SH2B2: variants seen among roughly 807,000 people sequenced by gnomAD.
The protein encoded by SH2B2 is SH2B adaptor protein 2, also known as SH2B adapter protein 2.
Under a neutral mutation model 35.7 loss-of-function variants are expected in SH2B2, and 37 were observed. The ratio of observed to expected loss-of-function variants is 1.04; its 90% CI spans 0.80 to 1.36. SH2B2 has a LOEUF of 1.36. SH2B2 is among the 40% of genes most tolerant of loss of function. The pLI is 0.00. For synonymous variants in SH2B2, 383 were observed against 376.4 expected (o/e 1.02, Z -0.20); for missense variants, 852 against 817.7 (o/e 1.04, Z -0.51).
At position 102,321,552 on chromosome 7, in the gene SH2B2, C is replaced by T; in HGVS notation, c.1821C>T (p.Ala607=). 1.1e-5 allele frequency: 13 copies of T among 1,147,080 alleles called. No individual in the cohort carries two copies. Among genetic ancestry groups the T allele is most frequent in the Non-Finnish European group, 1.4e-5 (13 of 935,006 alleles). 71.1% of individuals were successfully genotyped at this position (1,147,080 alleles called of 1,614,324 possible). The stretch of plus-strand genomic sequence containing the variant: ...CCGAGCGCCTGCTGGAGGCCGTGGC[C>T]GCCACCGCCGCCGAGGAGCCCCCGG... The part of the protein sequence containing the change: ...NSAERLLEAV[A]ATAAEEPPEA... The change falls in exon 9 of 9, where the codon GCC becomes GCT. Residue 607 remains alanine (A), a synonymous_variant. Transcript: ENST00000444095.
intron 4 of SH2B2, among the ~76,000 whole-genome samples, chr7:102,310,698 G>C (rs1302945619): frequency 6.6e-6 from 1 of 152,200 alleles, no homozygotes; most frequent in Non-Finnish European, 1.5e-5. Context: ...AAGGTCCTGG[G>C]CGCCTCCCAG....
intron 4 of SH2B2, among the ~76,000 whole-genome samples, chr7:102,313,266 A>G (rs2133021070): frequency 6.7e-6 from 1 of 149,638 alleles, no homozygotes; most frequent in South Asian, 2.1e-4. Context: ...GTGAAACCCC[A>G]TCTCTGCAAA....
At chr7:102,305,879 C>CCTTTTTTTTTTTT (rs1554554723) in intron 2 of SH2B2, among the ~76,000 whole-genome samples, 5 of 143,518 alleles carry the variant, frequency 3.5e-5, no homozygotes, top group Non-Finnish European at 7.5e-5. Flanking sequence ...AGGAGGAGGT[C>CCTTTTTTTTTTTT]CTTTTTTTTT....
At position 102,300,687 on chromosome 7, in the gene SH2B2, T is replaced by C; in HGVS notation, c.137T>C (p.Leu46Pro). 2 of 1,546,634 alleles carry C rather than the reference T, an allele frequency of 1.3e-6. No homozygotes were observed. The highest frequency in any genetic ancestry group is 1.7e-6 in the Non-Finnish European group (2 of 1,143,624). Residue 46 changes from leucine to proline, a missense_variant, in exon 2 of 9, where the codon CTG (leucine) becomes CCG (proline). Physicochemically the swap from Leu to Pro is moderately conservative, Grantham distance 98. Transcript: ENST00000444095. ...VDFAHKFCRFLRDNPAYDTPD... is the reference protein window; with the variant it reads ...VDFAHKFCRFPRDNPAYDTPD... ...TTTGCGCACAAGTTCTGCCGTTTCC[T>C]GCGGGACAACCCAGCTTACGACACG... is the stretch of plus-strand genomic sequence containing the variant.
chr7:102,311,229 G>A (rs950679692), intron 4 of SH2B2, among the ~76,000 whole-genome samples: 6 of 151,132 alleles, frequency 4.0e-5, no homozygotes, highest in African/African-American at 1.5e-4. Flanking sequence ...AACTGGGACT[G>A]TAGGCACATG....
chr7:102,309,165 A>C, intron 4 of SH2B2: 1 of 596,486 alleles, frequency 1.7e-6, no homozygotes, highest in Non-Finnish European at 3.1e-6. Flanking sequence ...TCTTGTCTTC[A>C]CCCCAAGAGA....
At position 102,301,561 on chromosome 7, in the gene SH2B2, T is replaced by C. The variant is rs1225843667; in HGVS notation, c.729+282T>C. The stretch of plus-strand genomic sequence containing the variant: ...TCGTGTGTGTGTGTGTGTGTGTCCG[T>C]GTGTGTGTGTGTGTGTGTGTGCGCG... On this transcript the variant is annotated intron_variant, in intron 2 of 8. Coordinates refer to ENST00000444095, the MANE Select transcript of SH2B2 (RefSeq NM_001359228.2). 2.3e-5 allele frequency among the ~76,000 whole-genome samples: 3 copies of C among 128,586 alleles called. No individual in the cohort carries two copies. In the East Asian group the frequency reaches 6.0e-4, roughly 26 times the overall value. 84.4% of individuals were successfully genotyped at this position (128,586 alleles called of 152,430 possible).
At chr7:102,317,425 C>A in intron 7 of SH2B2, 30 bp downstream of exon 7, 1 of 1,526,846 alleles carries the variant, frequency 6.5e-7, no homozygotes, top group Non-Finnish European at 8.9e-7. Flanking sequence ...CATGGGGGTG[C>A]AGTGGCCAGC....
intron 1 of SH2B2, among the ~76,000 whole-genome samples, chr7:102,288,145 G>A (rs1483872614): frequency 2.6e-5 from 4 of 152,132 alleles, no homozygotes; most frequent in African/African-American, 2.4e-5. Context: ...GGGGCAGGGG[G>A]TGTGGTTTCC....
intron 4 of SH2B2, chr7:102,309,353 C>CTT: frequency 1.8e-5 from 5 of 272,150 alleles, no homozygotes; most frequent in East Asian, 1.1e-4. Context: ...CTCTCTCTCT[C>CTT]TCTTTTTTTT....
chr7:102,311,809 G>A (rs1334724406), intron 4 of SH2B2, among the ~76,000 whole-genome samples: 1 of 152,142 alleles, frequency 6.6e-6, no homozygotes, highest in Non-Finnish European at 1.5e-5. Flanking sequence ...GGGCGTGGTG[G>A]TGCACGCCTG....
chr7:102,294,803 G>A (rs1554552315), intron 1 of SH2B2, among the ~76,000 whole-genome samples: 2 of 152,186 alleles, frequency 1.3e-5, no homozygotes, highest in East Asian at 1.9e-4. Flanking sequence ...TGGCACTGCT[G>A]TTTGGAGACT....
In SH2B2 at chr7:102,306,828, GTC is replaced by G; in HGVS notation, c.831+9_831+10del. ...ATAACACATTCGTCCTCAAGGTGAG[GTC>G]TCACCCCTAACCTCAGAGATCCTCC... On this transcript the variant is annotated splice_region_variant and intron_variant, in intron 3 of 8. Coordinates refer to ENST00000444095, the MANE Select transcript of SH2B2 (RefSeq NM_001359228.2). 6.4e-7 allele frequency: 1 copy of G among 1,567,680 alleles called. No individual in the cohort carries two copies. Among genetic ancestry groups the G allele is most frequent in the Non-Finnish European group, 8.7e-7 (1 of 1,155,112 alleles).
chr7:102,292,253 G>A (rs746146873), intron 1 of SH2B2, among the ~76,000 whole-genome samples: 14 of 151,968 alleles, frequency 9.2e-5, no homozygotes, highest in Admixed American at 2.6e-4. Context: ...ACCTGGGACC[G>A]GGTGCACTGG....
intron 1 of SH2B2, among the ~76,000 whole-genome samples, chr7:102,296,884 C>T (rs1554552569): frequency 6.6e-6 from 1 of 152,002 alleles, no homozygotes; most frequent in African/African-American, 2.4e-5. Context: ...AAGGCTGAGG[C>T]GGGAGGATCG....
chr7:102,290,123 G>A (rs1167800726), intron 1 of SH2B2, among the ~76,000 whole-genome samples: 2 of 114,018 alleles, frequency 1.8e-5, no homozygotes, highest in Admixed American at 1.3e-4. Flanking sequence ...ATCCTCTAAA[G>A]GTGGTCATTT....
intron 1 of SH2B2, 100 bp from the exon 2 acceptor site, chr7:102,300,422 C>CCA: frequency 7.4e-7 from 1 of 1,351,184 alleles, no homozygotes; most frequent in Non-Finnish European, 9.8e-7. Flanking sequence ...ACACACACAC[C>CCA]CACACAGCCC....
At position 102,297,394 on chromosome 7, in the gene SH2B2, T is replaced by TACACACACAC. The variant is rs3988122; in HGVS notation, c.-29-3101_-29-3092dup. 1.2e-4 allele frequency among the ~76,000 whole-genome samples: 17 copies of TACACACACAC among 144,458 alleles called. No individual in the cohort carries two copies. The highest frequency in any genetic ancestry group is 4.5e-4 in the South Asian group (2 of 4,488). 94.8% of individuals were successfully genotyped at this position (144,458 alleles called of 152,430 possible). On this transcript the variant is annotated intron_variant, in intron 1 of 8. Coordinates refer to ENST00000444095, the MANE Select transcript of SH2B2 (RefSeq NM_001359228.2). The surrounding 1 kb of genome is among the most constrained non-coding windows in gnomAD (Gnocchi z 4.3). ...CATCAATAGAGTGAGATCCCATCTC[T>TACACACACAC]ACACACACACACACACACACACACA...
intron 6 of SH2B2, among the ~76,000 whole-genome samples, chr7:102,315,453 C>T (rs574803004): frequency 1.2e-4 from 18 of 152,074 alleles, no homozygotes; most frequent in Admixed American, 5.2e-4. Flanking sequence ...CTCAGCCTCC[C>T]GAGTAGCTGA....
Sources: gnomAD v4.1 joint callset for allele counts (sites outside exome capture counted in the v4.1 genomes callset) on GRCh38, gnomAD v4.1.1 for gene constraint, Gnocchi (gnomAD v3.1) non-coding constraint, MANE v1.5 for transcripts, NCBI Gene and HGNC (gene_info 2026-07-23, HGNC 2026-07-21) for gene names.